The following CPNE2 variants were observed in gnomAD, a reference collection of about 807,000 sequenced individuals.
CPNE2 encodes the protein copine 2, also known as copine-2.
In CPNE2, 42 loss-of-function variants were observed where a neutral mutation model predicts 69.7. The ratio of observed to expected loss-of-function variants is 0.60; its 90% CI spans 0.47 to 0.78. The LOEUF is 0.78. CPNE2 is among the 30% of genes least tolerant of loss of function. The probability of loss-of-function intolerance (pLI) is 0.00; values close to 1 mark genes in which losing one functional copy is unlikely to be tolerated. For missense variants in CPNE2, 587 were observed against 732.0 expected (o/e 0.80, Z 2.29); for synonymous variants, 294 against 289.8 (o/e 1.01, Z -0.15).
intron 1 of CPNE2, among the ~76,000 whole-genome samples, chr16:57,097,162 C>T (rs1404892512): frequency 1.3e-5 from 2 of 152,122 alleles, no homozygotes; most frequent in African/African-American, 4.8e-5. Context: ...AATGTGGCCT[C>T]CTCCACACTG....
In CPNE2 at chr16:57,110,898, A is replaced by G; in HGVS notation, c.156A>G (p.Thr52=). 1 of 1,612,550 alleles carries G rather than the reference A, an allele frequency of 6.2e-7. No individual in the cohort carries two copies. Among genetic ancestry groups the G allele is most frequent in the Non-Finnish European group, 8.5e-7 (1 of 1,179,234 alleles). Residue 52 remains threonine (T), a synonymous_variant, in exon 2 of 16, where the codon ACA becomes ACG. Coordinates refer to ENST00000290776, the MANE Select transcript of CPNE2 (RefSeq NM_152727.6). ...CCGACCCCTTCTGTGTCCTCTTTACAGAGAACAATGGCAGATGGATCGAGG... is the reference window on the plus strand; with the variant it reads ...CCGACCCCTTCTGTGTCCTCTTTACGGAGAACAATGGCAGATGGATCGAGG... The part of the protein sequence containing the change: ...SKSDPFCVLF[T]ENNGRWIEYD...
intron 1 of CPNE2, chr16:57,094,026 G>A (rs1188381335): frequency 2.2e-6 from 1 of 456,662 alleles, no homozygotes; most frequent in Admixed American, 2.3e-5. Context: ...TCCGGGGCCT[G>A]CCTCCTGGAG....
chr16:57,144,733 A>AG (rs2145287529), intron 14 of CPNE2: 1 of 152,366 alleles, frequency 6.6e-6, no homozygotes, highest in Admixed American at 6.5e-5. Context: ...GGATCACCTG[A>AG]GGTCAGGAGT....
intron 14 of CPNE2, among the ~76,000 whole-genome samples, chr16:57,137,795 C>T (rs1256615862): frequency 3.3e-5 from 5 of 152,234 alleles, no homozygotes; most frequent in African/African-American, 1.2e-4. Flanking sequence ...CAGGCATCTG[C>T]AACCGTGGTC....
At chr16:57,099,581 C>T in intron 1 of CPNE2, among the ~76,000 whole-genome samples, 1 of 119,832 alleles carries the variant, frequency 8.3e-6, no homozygotes. Context: ...TTTGGCCGTC[C>T]TGGGGGTGGG....
rs774163749 is a variant in CPNE2, at chr16:57,147,637, C to G, written c.1626C>G (p.Pro542=). Residue 542 remains proline (P), a synonymous_variant, in exon 16 of 16, where the codon CCC becomes CCG. Transcript: ENST00000290776. The part of the protein sequence containing the change: ...VQYFKHKNLP[P]TNSEPA The stretch of plus-strand genomic sequence containing the variant: ...ATTTCAAGCATAAAAACCTGCCCCC[C>G]ACCAACTCGGAGCCCGCCTGAGCTC... The G allele has an allele frequency of 1.4e-5, 22 of 1,603,718 alleles. 1 individual carries two copies. Among genetic ancestry groups the G allele is most frequent in the South Asian group, 8.9e-5 (8 of 89,772 alleles).
chr16:57,141,123 T>A (rs2145283325), intron 14 of CPNE2: 1 of 152,460 alleles, frequency 6.6e-6, no homozygotes, highest in Non-Finnish European at 1.5e-5. Flanking sequence ...CAGGGCCCTT[T>A]CACAGCTGCA....
intron 14 of CPNE2, chr16:57,142,107 C>G (rs1185358322): frequency 6.6e-6 from 1 of 152,258 alleles, no homozygotes; most frequent in Non-Finnish European, 1.5e-5. Flanking sequence ...CTTTACCAAC[C>G]AACTTCTGTG....
chr16:57,127,209 AT>A (rs1344353067), intron 11 of CPNE2, among the ~76,000 whole-genome samples: 2 of 152,196 alleles, frequency 1.3e-5, no homozygotes, highest in Admixed American at 6.5e-5. Context: ...CGAAGGGGCC[AT>A]TTTGATTGGG....
At chr16:57,105,772 G>C (rs534595472) in intron 1 of CPNE2, among the ~76,000 whole-genome samples, 1 of 152,136 alleles carries the variant, frequency 6.6e-6, no homozygotes, top group African/African-American at 2.4e-5. Context: ...TTGCCTGGGG[G>C]GTCTGGTCAC....
At chr16:57,103,506 T>A (rs1456021097) in intron 1 of CPNE2, among the ~76,000 whole-genome samples, 1 of 152,190 alleles carries the variant, frequency 6.6e-6, no homozygotes, top group African/African-American at 2.4e-5. Flanking sequence ...CGACAGGACA[T>A]CCCACTGTGG....
At chr16:57,098,637 C>A (rs2069593692) in intron 1 of CPNE2, among the ~76,000 whole-genome samples, 1 of 152,182 alleles carries the variant, frequency 6.6e-6, no homozygotes, top group South Asian at 2.1e-4. Context: ...CCAGAATTCC[C>A]AAATTCTGGA....
chr16:57,107,273 T>C (rs2069653799), intron 1 of CPNE2, among the ~76,000 whole-genome samples: 1 of 152,220 alleles, frequency 6.6e-6, no homozygotes, highest in Non-Finnish European at 1.5e-5. Flanking sequence ...CAAATTGTAG[T>C]GCTGTCCTGA....
Position 57,116,501 on chromosome 16 carries a change from A to G in CPNE2, c.435+951A>G, listed in dbSNP as rs528642420. 3.9e-5 allele frequency among the ~76,000 whole-genome samples: 6 copies of G among 152,258 alleles called. No homozygotes were observed. The South Asian group carries it at 1.2e-3, about 32-fold the overall frequency. On this transcript the variant is annotated intron_variant, in intron 4 of 15. Coordinates refer to ENST00000290776, the MANE Select transcript of CPNE2 (RefSeq NM_152727.6). ...CAGGAGTTTGAGGCTGCAGTGGGTT[A>G]TGATCATGCTACTGCCCTCCAGCCT...
intron 8 of CPNE2, 92 bp downstream of exon 8, chr16:57,121,283 TCC>T: frequency 9.5e-7 from 1 of 1,054,796 alleles, no homozygotes; most frequent in Non-Finnish European, 1.4e-6. Flanking sequence ...GGGGCTGAGA[TCC>T]CCCTTCTGGC....
chr16:57,109,845 G>C (rs2145244515), intron 1 of CPNE2, among the ~76,000 whole-genome samples: 1 of 152,272 alleles, frequency 6.6e-6, no homozygotes, highest in South Asian at 2.1e-4. Context: ...TAACCATCTA[G>C]GAATGCAGCC....
chr16:57,113,158 A>T, intron 2 of CPNE2, 130 bp from the exon 3 acceptor site: 1 of 800,772 alleles, frequency 1.2e-6, no homozygotes, highest in Non-Finnish European at 2.0e-6. Flanking sequence ...ATAGTGAGTC[A>T]CTGACGATGA....
rs375861712 is a variant in CPNE2 at position 57,128,752 on chromosome 16, T to C, written c.1116+849T>C. Among the ~76,000 whole-genome samples the C allele has an allele frequency of 6.4e-4, 98 of 152,336 alleles. 1 individual carries two copies. In the South Asian group the frequency reaches 0.019, roughly 29 times the overall value. On this transcript the variant is annotated intron_variant, in intron 12 of 15. Coordinates refer to ENST00000290776, the MANE Select transcript of CPNE2 (RefSeq NM_152727.6). ...TAGGTGGCATTTCATCCGTCACCCC[T>C]CCATCCTCTCGCTGTGTGGAGTCCT...
intron 15 of CPNE2, chr16:57,147,152 A>T (rs2069964513): frequency 1.2e-5 from 2 of 165,104 alleles, no homozygotes; most frequent in Admixed American, 6.4e-5. Context: ...TCGGTGACCG[A>T]GTACCTCCAT....
Sources: gnomAD v4.1 joint callset for allele counts (sites outside exome capture counted in the v4.1 genomes callset) on GRCh38, gnomAD v4.1.1 for gene constraint, MANE v1.5 for transcripts, NCBI Gene and HGNC (gene_info 2026-07-23, HGNC 2026-07-21) for gene names.